Variants in SHTN1 observed in about 807,000 individuals in gnomAD.
SHTN1 encodes the protein shootin 1, also known as shootin-1.
In SHTN1, 42 loss-of-function variants were observed where a neutral mutation model predicts 83.1. That is an observed-to-expected ratio of 0.51 (90% confidence interval 0.39 to 0.65). The LOEUF is 0.65. Among genes scored for constraint, SHTN1 ranks in the 30% least tolerant of loss-of-function variants. SHTN1 has a pLI of 0.00. For synonymous variants in SHTN1, 224 were observed against 247.7 expected, an observed-to-expected ratio of 0.90 and a Z score of 0.90; for missense variants, 622 against 737.8, an observed-to-expected ratio of 0.84 and a Z score of 1.82.
Position 116,901,771 on chromosome 10 carries a change from G to C in SHTN1, c.1667C>G (p.Thr556Arg). The change falls in exon 16 of 17, where the codon ACG (threonine) becomes AGG (arginine). Residue 556 changes from threonine (T) to arginine (R), a missense_variant. Around this residue, in one of 3 missense-constraint regions of SHTN1, gnomAD observed 231 missense variants for 251.6 expected, o/e 0.92. Transcript: ENST00000355371. ...KLEGCTSSKV[T>R]FQPPSSIGCR... ...AAAGAGCATCGTTACTTACTGAAACGTAACCTTGGAACTTGTGCATCCTTC... is the reference window on the plus strand; with the variant it reads ...AAAGAGCATCGTTACTTACTGAAACCTAACCTTGGAACTTGTGCATCCTTC... 1 of 1,593,654 alleles carries C rather than the reference G, an allele frequency of 6.3e-7. No homozygotes were observed. The highest frequency in any genetic ancestry group is 8.5e-7 in the Non-Finnish European group (1 of 1,173,222).
intron 2 of SHTN1, among the ~76,000 whole-genome samples, chr10:117,019,189 A>AT (rs1267444892): frequency 4.1e-4 from 61 of 147,968 alleles, no homozygotes; most frequent in Middle Eastern, 3.5e-3. Flanking sequence ...AAATAATTTA[A>AT]TTTTTTTTTT....
chr10:116,942,590 G>T (rs1849421105), intron 8 of SHTN1, among the ~76,000 whole-genome samples: 1 of 152,052 alleles, frequency 6.6e-6, no homozygotes. Context: ...TTGTTGAGGG[G>T]GATTAAGTTT....
rs187842446 is a variant in SHTN1 at position 117,115,353 on chromosome 10, G to C, written c.-189+10954C>G. Among the ~76,000 whole-genome samples, 62 of 152,084 alleles carry C rather than the reference G, an allele frequency of 4.1e-4. 1 individual carries two copies. In the East Asian group the frequency reaches 0.011, roughly 28 times the overall value. On this transcript the variant is annotated intron_variant, in intron 1 of 17. Coordinates refer to the SHTN1 transcript ENST00000392901. Reference sequence around the variant, plus strand: ...AAAAATAATTATATACAAGTGTCTGGCCCATAGAAGGTGCTCAATAAATAG... The same window carrying C: ...AAAAATAATTATATACAAGTGTCTGCCCCATAGAAGGTGCTCAATAAATAG...
chr10:116,965,130 G>C (rs1342669383), intron 3 of SHTN1, among the ~76,000 whole-genome samples: 1 of 152,204 alleles, frequency 6.6e-6, no homozygotes, highest in African/African-American at 2.4e-5. Flanking sequence ...TGGACATATG[G>C]ATAAAAACAT....
chr10:117,115,338 A>G (rs1291512177), intron 1 of SHTN1, among the ~76,000 whole-genome samples: 1 of 152,120 alleles, frequency 6.6e-6, no homozygotes, highest in Non-Finnish European at 1.5e-5. Context: ...AAAAATAATT[A>G]TATACAAGTG....
At chr10:117,040,908 T>G (rs899306017) in intron 2 of SHTN1, among the ~76,000 whole-genome samples, 3 of 151,834 alleles carry the variant, frequency 2.0e-5, no homozygotes, top group African/African-American at 7.2e-5. Flanking sequence ...ATTTTTATAC[T>G]CAACTCTTTT....
At chr10:117,110,495 G>A (rs938286693) in intron 1 of SHTN1, among the ~76,000 whole-genome samples, 2 of 151,900 alleles carry the variant, frequency 1.3e-5, no homozygotes, top group African/African-American at 4.8e-5. Flanking sequence ...GGGACTACAG[G>A]TGCACACCGC....
At chr10:117,063,986 G>T (rs1330070892) in intron 1 of SHTN1, among the ~76,000 whole-genome samples, 1 of 152,046 alleles carries the variant, frequency 6.6e-6, no homozygotes, top group Non-Finnish European at 1.5e-5. Context: ...AACACCAAAA[G>T]TATCACTTCG....
In SHTN1 at chr10:116,985,494, G is replaced by A. The variant is rs541297212; in HGVS notation, c.59-6186C>T. Reference sequence around the variant, plus strand: ...TTATCTATCCAGATTCCCATATCTAGGATCCTGTCTGACATATAGATTATT... The same window carrying A: ...TTATCTATCCAGATTCCCATATCTAAGATCCTGTCTGACATATAGATTATT... On this transcript the variant is annotated intron_variant, in intron 1 of 16. Coordinates refer to ENST00000355371, the MANE Select transcript of SHTN1 (RefSeq NM_001127211.3). Among the ~76,000 whole-genome samples the A allele has an allele frequency of 2.4e-4, 37 of 152,182 alleles. No homozygotes were observed. In the South Asian group the frequency reaches 3.1e-3, roughly 13 times the overall value.
chr10:117,005,871 G>T (rs1428268617), upstream of SHTN1, among the ~76,000 whole-genome samples: 2 of 152,216 alleles, frequency 1.3e-5, no homozygotes, highest in African/African-American at 4.8e-5. Context: ...CTGGTTGGTG[G>T]CGGGATGACC....
chr10:117,113,927 A>C (rs1945280177), intron 1 of SHTN1, among the ~76,000 whole-genome samples: 1 of 152,192 alleles, frequency 6.6e-6, no homozygotes, highest in African/African-American at 2.4e-5. Context: ...CACGCCTATA[A>C]TCCCAGCTGC....
At chr10:116,954,345 GATTC>G (rs1849897946) in intron 4 of SHTN1, 135 bp from the exon 5 acceptor site, 1 of 554,258 alleles carries the variant, frequency 1.8e-6, no homozygotes, top group Non-Finnish European at 3.1e-6. Flanking sequence ...ACAATTAGTG[GATTC>G]ATTAAATAAG....
chr10:117,042,852 G>T (rs1852606234), intron 2 of SHTN1, among the ~76,000 whole-genome samples: 1 of 152,056 alleles, frequency 6.6e-6, no homozygotes. Flanking sequence ...CTGACCTCAG[G>T]TGATCCACCC....
chr10:117,004,986 G>C, intron 1 of SHTN1, 36 bp downstream of exon 1: 1 of 1,564,060 alleles, frequency 6.4e-7, no homozygotes, highest in Non-Finnish European at 8.7e-7. Context: ...CCCACGGGCC[G>C]CGGCTGCCCA....
At chr10:116,999,358 T>C (rs1364597871) in intron 1 of SHTN1, among the ~76,000 whole-genome samples, 6 of 152,196 alleles carry the variant, frequency 3.9e-5, no homozygotes. Flanking sequence ...TAGTTAACTT[T>C]GGGAAATGGG....
rs1452399526 is a variant in SHTN1 at position 116,946,907 on chromosome 10, G to A, written c.617-1889C>T. 2.0e-5 allele frequency among the ~76,000 whole-genome samples: 3 copies of A among 151,760 alleles called. No homozygotes were observed. In the East Asian group the frequency reaches 5.8e-4, roughly 29 times the overall value. ...TGGCTAATTTTTGTATTTCAGTAGA[G>A]ACGAGGTTTTACCATGTTGGCCAGG... is the stretch of plus-strand genomic sequence containing the variant. On this transcript the variant is annotated intron_variant, in intron 7 of 16. Coordinates refer to ENST00000355371, the MANE Select transcript of SHTN1 (RefSeq NM_001127211.3).
chr10:116,916,159 G>A (rs1255589084), intron 12 of SHTN1, among the ~76,000 whole-genome samples: 1 of 152,028 alleles, frequency 6.6e-6, no homozygotes, highest in Non-Finnish European at 1.5e-5. Context: ...ACTATCTATT[G>A]TTTAACGTTG....
intron 2 of SHTN1, among the ~76,000 whole-genome samples, chr10:117,030,276 G>A (rs555616467): frequency 2.0e-5 from 3 of 152,302 alleles, no homozygotes; most frequent in Middle Eastern, 3.4e-3. Context: ...CTATGAATGT[G>A]TGAGAACTAC....
At chr10:116,995,227 A>G (rs981232339) in intron 1 of SHTN1, among the ~76,000 whole-genome samples, 2 of 152,146 alleles carry the variant, frequency 1.3e-5, no homozygotes, top group African/African-American at 4.8e-5. Context: ...TGGGTCTTCA[A>G]GGAGGTATAT....
Sources: allele counts gnomAD v4.1 joint callset (sites outside exome capture counted in the v4.1 genomes callset), GRCh38; gene constraint gnomAD v4.1.1; regional missense constraint gnomAD v4.1.1; transcripts MANE v1.5; gene names NCBI Gene and HGNC (gene_info 2026-07-23, HGNC 2026-07-21).